Variants in FGF10 observed in about 807,000 individuals in gnomAD.
The protein encoded by FGF10 is fibroblast growth factor 10.
FGF10 carries 2 observed loss-of-function variants against 19.8 expected under a neutral mutation model. The observed-to-expected ratio is 0.10, with a 90% CI of 0.04 to 0.32. The LOEUF (loss-of-function observed/expected upper bound fraction) is 0.32, where lower values mean the gene tolerates loss of function less well. Among genes scored for constraint, FGF10 ranks in the 10% least tolerant of loss-of-function variants. The pLI is 1.00. For missense variants in FGF10, 191 were observed against 246.3 expected (o/e 0.78, Z 1.50); for synonymous variants, 112 against 94.0 (o/e 1.19, Z -1.10).
chr5:44,347,677 T>C (rs1403357922), intron 1 of FGF10, among the ~76,000 whole-genome samples: 2 of 151,660 alleles, frequency 1.3e-5, no homozygotes, highest in Non-Finnish European at 2.9e-5. Context: ...CAGCATGGAC[T>C]GACCTACTTT....
intron 1 of FGF10, among the ~76,000 whole-genome samples, chr5:44,362,854 T>G (rs2111858319): frequency 6.6e-6 from 1 of 151,766 alleles, no homozygotes; most frequent in South Asian, 2.1e-4. Flanking sequence ...TCTCTTCCCC[T>G]CTCTTTTTGT....
chr5:44,355,264 G>T (rs1293616063), intron 1 of FGF10, among the ~76,000 whole-genome samples: 2 of 151,160 alleles, frequency 1.3e-5, no homozygotes, highest in African/African-American at 4.8e-5. Flanking sequence ...TGATGTATGT[G>T]GCTTCAAACT....
At chr5:44,350,245 A>T (rs982636568) in intron 1 of FGF10, among the ~76,000 whole-genome samples, 15 of 150,924 alleles carry the variant, frequency 9.9e-5, no homozygotes, top group Non-Finnish European at 2.2e-4. Flanking sequence ...AGAAGTCAGA[A>T]TATAAGAATC....
chr5:44,349,455 T>TATATATATCAGA (rs1741181181), intron 1 of FGF10, among the ~76,000 whole-genome samples: 5 of 36,008 alleles, frequency 1.4e-4, no homozygotes, highest in African/African-American at 5.0e-4. Flanking sequence ...TATATATATA[T>TATATATATCAGA]ATATATATAT....
intron 1 of FGF10, among the ~76,000 whole-genome samples, chr5:44,316,349 T>C (rs1459427239): frequency 2.6e-5 from 4 of 152,166 alleles, no homozygotes; most frequent in Non-Finnish European, 4.4e-5. Context: ...GTGCTAAATA[T>C]ATATTTACTG....
intron 1 of FGF10, among the ~76,000 whole-genome samples, chr5:44,367,846 T>C (rs1461446279): frequency 8.1e-6 from 1 of 124,160 alleles, no homozygotes; most frequent in Non-Finnish European, 1.8e-5. Context: ...GTATGCTGTT[T>C]TTTTTTTTTT....
intron 1 of FGF10, among the ~76,000 whole-genome samples, chr5:44,357,199 A>C (rs1741368795): frequency 6.6e-6 from 1 of 151,446 alleles, no homozygotes; most frequent in Non-Finnish European, 1.5e-5. Context: ...CTAAAGTTGG[A>C]AAAACTTAAT....
chr5:44,383,864 A>G (rs534492086), intron 1 of FGF10, among the ~76,000 whole-genome samples: 1 of 152,166 alleles, frequency 6.6e-6, no homozygotes, highest in East Asian at 1.9e-4. Flanking sequence ...CTTCACAGAA[A>G]ACTCTTGTGT....
chr5:44,343,631 G>A (rs1488868393), intron 1 of FGF10, among the ~76,000 whole-genome samples: 1 of 151,854 alleles, frequency 6.6e-6, no homozygotes, highest in Non-Finnish European at 1.5e-5. Context: ...TTACTAATAT[G>A]TCCTTAACAC....
chr5:44,355,594 AG>A (rs939984172), intron 1 of FGF10, among the ~76,000 whole-genome samples: 19 of 151,370 alleles, frequency 1.3e-4, no homozygotes, highest in African/African-American at 4.4e-4. Flanking sequence ...TGCAAAACAA[AG>A]GAAGACTAAT....
Position 44,363,689 on chromosome 5 carries a change from C to G in FGF10, c.325+24669G>C, listed in dbSNP as rs184715119. Among the ~76,000 whole-genome samples, 31 of 151,968 alleles carry G rather than the reference C, an allele frequency of 2.0e-4. 1 individual carries two copies. Among genetic ancestry groups the G allele is most frequent in the African/African-American group, 7.0e-4 (29 of 41,512 alleles). On this transcript the variant is annotated intron_variant, in intron 1 of 2. Transcript: ENST00000264664. ...ATAATATCTTTCTTCATTGAAACAG[C>G]CTCTTTACAATATGGAAGAAGTAAC...
intron 1 of FGF10, among the ~76,000 whole-genome samples, chr5:44,378,672 C>T (rs1253276158): frequency 6.6e-6 from 1 of 152,172 alleles, no homozygotes; most frequent in Admixed American, 6.5e-5. Flanking sequence ...ACCTCATGAT[C>T]TGCCCTCCTC....
At chr5:44,312,587 A>G (rs527480270) in intron 1 of FGF10, among the ~76,000 whole-genome samples, 1 of 152,210 alleles carries the variant, frequency 6.6e-6, no homozygotes, top group South Asian at 2.1e-4. Flanking sequence ...ATAGAGGATA[A>G]CGTCTGAATC....
At chr5:44,365,706 G>T (rs1355252341) in intron 1 of FGF10, among the ~76,000 whole-genome samples, 1 of 151,916 alleles carries the variant, frequency 6.6e-6, no homozygotes, top group African/African-American at 2.4e-5. Context: ...TAACCTTACT[G>T]CATATTACAG....
chr5:44,367,007 AC>A (rs1741630947), intron 1 of FGF10, among the ~76,000 whole-genome samples: 1 of 152,072 alleles, frequency 6.6e-6, no homozygotes, highest in African/African-American at 2.4e-5. Flanking sequence ...TGGCATCAAG[AC>A]AAATATTTCT....
At chr5:44,321,374 A>T (rs946688107) in intron 1 of FGF10, among the ~76,000 whole-genome samples, 1 of 152,202 alleles carries the variant, frequency 6.6e-6, no homozygotes, top group African/African-American at 2.4e-5. Flanking sequence ...TTTTAGTGCA[A>T]TATATTTTTC....
intron 1 of FGF10, among the ~76,000 whole-genome samples, chr5:44,354,767 GTGCTAC>G (rs746223882): frequency 2.0e-5 from 3 of 151,456 alleles, no homozygotes; most frequent in Non-Finnish European, 4.4e-5. Context: ...ATAAAACCCA[GTGCTAC>G]TGATTCAGCT....
intron 1 of FGF10, among the ~76,000 whole-genome samples, chr5:44,352,550 G>T (rs1032693210): frequency 6.6e-6 from 1 of 151,564 alleles, no homozygotes; most frequent in African/African-American, 2.4e-5. Flanking sequence ...ATCTATGAAA[G>T]TATCTTAAAA....
At chr5:44,308,088 A>G (rs1247707802) in intron 2 of FGF10, among the ~76,000 whole-genome samples, 1 of 152,236 alleles carries the variant, frequency 6.6e-6, no homozygotes. Context: ...AAACACATTA[A>G]TGAGAGAAAT....
Sources: gnomAD v4.1 joint callset for allele counts (sites outside exome capture counted in the v4.1 genomes callset) on GRCh38, gnomAD v4.1.1 for gene constraint, MANE v1.5 for transcripts, NCBI Gene and HGNC (gene_info 2026-07-23, HGNC 2026-07-21) for gene names.